Variants in SLC2A13 observed in about 807,000 individuals in gnomAD.
SLC2A13 encodes the protein proton myo-inositol cotransporter.
In SLC2A13, 32 loss-of-function variants were observed where a neutral mutation model predicts 64.4. That is an observed-to-expected ratio of 0.50 (90% confidence interval 0.37 to 0.67). The LOEUF (loss-of-function observed/expected upper bound fraction) is 0.67. Among genes scored for constraint, SLC2A13 ranks in the 30% least tolerant of loss-of-function variants. The probability of loss-of-function intolerance (pLI) is 0.00; values close to 1 mark genes in which losing one functional copy is unlikely to be tolerated. For missense variants in SLC2A13, 743 were observed against 829.2 expected, an observed-to-expected ratio of 0.90 and a Z score of 1.28; for synonymous variants, 338 against 327.1, an observed-to-expected ratio of 1.03 and a Z score of -0.36.
intron 3 of SLC2A13, among the ~76,000 whole-genome samples, chr12:39,978,507 C>T (rs530106830): frequency 1.3e-5 from 2 of 152,168 alleles, no homozygotes; most frequent in Non-Finnish European, 2.9e-5. Context: ...ATTGCCTCAC[C>T]TGGGAAGCGC....
intron 3 of SLC2A13, among the ~76,000 whole-genome samples, chr12:39,957,188 G>A (rs1209492043): frequency 6.6e-6 from 1 of 152,162 alleles, no homozygotes; most frequent in Non-Finnish European, 1.5e-5. Context: ...GAGACCAAGT[G>A]TTGCTACCCC....
chr12:39,829,614 T>G (rs1304427709), intron 7 of SLC2A13: 1 of 159,756 alleles, frequency 6.3e-6, no homozygotes, highest in Non-Finnish European at 1.4e-5. Flanking sequence ...GGTTTCACCA[T>G]GTTGGCCAGG....
chr12:40,072,109 CT>C (rs1256619060), intron 1 of SLC2A13, among the ~76,000 whole-genome samples: 1 of 152,046 alleles, frequency 6.6e-6, no homozygotes, highest in Admixed American at 6.6e-5. Context: ...TCATTTTTCA[CT>C]TTCATTTAGC....
chr12:39,829,847 A>C, intron 7 of SLC2A13: 2 of 431,732 alleles, frequency 4.6e-6, no homozygotes, highest in Non-Finnish European at 8.4e-6. Context: ...GCTGCCTAAA[A>C]CTAAAGATCC....
intron 4 of SLC2A13, among the ~76,000 whole-genome samples, chr12:39,874,207 G>A (rs1944124201): frequency 2.6e-5 from 4 of 152,168 alleles, no homozygotes; most frequent in South Asian, 4.1e-4. Context: ...CAGGTCTGAC[G>A]ATCTGGGAGG....
chr12:39,983,889 T>C (rs1391306305), intron 3 of SLC2A13, among the ~76,000 whole-genome samples: 9 of 145,458 alleles, frequency 6.2e-5, no homozygotes, highest in Non-Finnish European at 9.1e-5. Context: ...CGTATGTTTA[T>C]TGCGGCATTA....
chr12:40,071,161 T>G (rs1316763202), intron 1 of SLC2A13, among the ~76,000 whole-genome samples: 1 of 152,192 alleles, frequency 6.6e-6, no homozygotes, highest in Non-Finnish European at 1.5e-5. Flanking sequence ...GGGCTCTCTG[T>G]CTCACTGATC....
At position 39,934,393 on chromosome 12, in the gene SLC2A13, G is replaced by T. The variant is rs184498743; in HGVS notation, c.1034+16864C>A. ...TAGGACAGGTGGCACAACCTCAAAG[G>T]CATAGATGAGGCCAGGTTATGTGGA... On this transcript the variant is annotated intron_variant, in intron 4 of 9. Transcript: ENST00000280871. 4.9e-4 allele frequency among the ~76,000 whole-genome samples: 74 copies of T among 152,310 alleles called. 3 individuals are homozygous for T. In the East Asian group the frequency reaches 0.014, roughly 28 times the overall value.
At chr12:39,829,581 T>G (rs1695906970) in intron 7 of SLC2A13, 2 of 159,420 alleles carry the variant, frequency 1.3e-5, no homozygotes, top group Admixed American at 1.2e-4. Flanking sequence ...TCTCAGCTAA[T>G]TTTTGTATTT....
chr12:39,811,742 CCTTAA>C (rs1566818067), intron 7 of SLC2A13, among the ~76,000 whole-genome samples: 2 of 152,074 alleles, frequency 1.3e-5, no homozygotes, highest in African/African-American at 2.4e-5. Context: ...TGATAATATT[CCTTAA>C]TCTGGAGTCT....
intron 1 of SLC2A13, among the ~76,000 whole-genome samples, chr12:40,091,687 T>A (rs1192083591): frequency 6.6e-6 from 1 of 152,212 alleles, no homozygotes; most frequent in Non-Finnish European, 1.5e-5. Context: ...TCATTTGTAC[T>A]CATACTACCT....
At chr12:39,827,111 CT>C (rs1453017943) in intron 7 of SLC2A13, among the ~76,000 whole-genome samples, 1 of 151,780 alleles carries the variant, frequency 6.6e-6, no homozygotes, top group Non-Finnish European at 1.5e-5. Flanking sequence ...CTCATGTACA[CT>C]GGGTTCTGAT....
chr12:39,765,391 A>C (rs1940311397), intron 7 of SLC2A13, among the ~76,000 whole-genome samples: 1 of 151,764 alleles, frequency 6.6e-6, no homozygotes, highest in Non-Finnish European at 1.5e-5. Context: ...TCTACCAGTC[A>C]CTCCCTGATG....
At chr12:39,926,696 G>A (rs928344939) in intron 4 of SLC2A13, among the ~76,000 whole-genome samples, 1 of 152,026 alleles carries the variant, frequency 6.6e-6, no homozygotes, top group Non-Finnish European at 1.5e-5. Context: ...GCTCAATGAA[G>A]CCCTGATCTC....
intron 3 of SLC2A13, among the ~76,000 whole-genome samples, chr12:40,027,001 A>T (rs1451929836): frequency 6.6e-6 from 1 of 151,426 alleles, no homozygotes; most frequent in Non-Finnish European, 1.5e-5. Flanking sequence ...AATCACTTGA[A>T]CTCGGGAGGC....
intron 3 of SLC2A13, among the ~76,000 whole-genome samples, chr12:40,009,352 T>C (rs987872747): frequency 2.6e-5 from 4 of 152,234 alleles, no homozygotes; most frequent in African/African-American, 9.6e-5. Flanking sequence ...ATAGAATGTT[T>C]ATGGCTTTAA....
At chr12:39,933,401 G>A (rs1212771154) in intron 4 of SLC2A13, among the ~76,000 whole-genome samples, 1 of 152,154 alleles carries the variant, frequency 6.6e-6, no homozygotes, top group Non-Finnish European at 1.5e-5. Flanking sequence ...ACAGTGACTT[G>A]GGCAGATGGC....
intron 7 of SLC2A13, among the ~76,000 whole-genome samples, chr12:39,769,335 T>C (rs1350459078): frequency 6.6e-6 from 1 of 152,068 alleles, no homozygotes. Context: ...TCAATTTCAG[T>C]TGAGAAAAAT....
At chr12:39,894,094 T>C (rs1592250325) in intron 4 of SLC2A13, among the ~76,000 whole-genome samples, 1 of 152,190 alleles carries the variant, frequency 6.6e-6, no homozygotes, top group Non-Finnish European at 1.5e-5. Flanking sequence ...TTTGCAAACA[T>C]TTAGTAAACA....
Sources: allele counts gnomAD v4.1 joint callset (sites outside exome capture counted in the v4.1 genomes callset), GRCh38; gene constraint gnomAD v4.1.1; transcripts MANE v1.5; gene names NCBI Gene and HGNC (gene_info 2026-07-23, HGNC 2026-07-21).